CGB7: variants seen among roughly 807,000 people sequenced by gnomAD.
CGB7 encodes the protein chorionic gonadotropin subunit beta 7.
Under a neutral mutation model 7.3 loss-of-function variants are expected in CGB7, and 6 were observed. The ratio of observed to expected loss-of-function variants is 0.82; its 90% CI spans 0.45 to 1.62. The LOEUF (loss-of-function observed/expected upper bound fraction) is 1.62. Among genes scored for constraint, CGB7 ranks in the 40% most tolerant of loss-of-function variants. The pLI, the probability that CGB7 is intolerant of heterozygous loss-of-function variation, is 0.01. For synonymous variants in CGB7, 47 were observed against 100.8 expected (o/e 0.47, Z 3.20); for missense variants, 114 against 236.2 (o/e 0.48, Z 3.39).
chr19:49,054,877 G>C lies in CGB7; in HGVS notation c.147C>G (p.Val49=), dbSNP rs767857878. 1 of 1,590,436 alleles carries C rather than the reference G, an allele frequency of 6.3e-7. No homozygotes were observed. Among genetic ancestry groups the C allele is most frequent in the South Asian group, 1.1e-5 (1 of 90,386 alleles). The change falls in exon 4 of 5, where the codon GTC becomes GTG. Residue 49 remains valine, a synonymous_variant. Coordinates refer to ENST00000684222, the MANE Select transcript of CGB7 (RefSeq NM_001385261.1). The stretch of plus-strand genomic sequence containing the variant: ...AGTAGCCGGCACAGATGGTGGTGTT[G>C]ACGGTGATGCACACGGGGCAGCCCT... The part of the protein sequence containing the change: ...EKEGCPVCIT[V]NTTICAGYCP...
In CGB7 at chr19:49,056,249, G is replaced by A. The variant is rs1479760385; in HGVS notation, c.-874C>T. On this transcript the variant is annotated 5_prime_UTR_variant, in exon 3 of 5. Coordinates refer to ENST00000684222, the MANE Select transcript of CGB7 (RefSeq NM_001385261.1). ...CCCCACGCCAGGGGGCGTGTCTGGG[G>A]TGGGGCTGGCCCGGCAGGCTCCCAC... 6 of 1,289,744 alleles carry A rather than the reference G, an allele frequency of 4.7e-6. No individual in the cohort carries two copies. Among genetic ancestry groups the A allele is most frequent in the East Asian group, 5.5e-5 (1 of 18,050 alleles). 79.9% of individuals were successfully genotyped at this position (1,289,744 alleles called of 1,614,324 possible).
rs1398545691 is a variant in CGB7, at chr19:49,056,469, C to T, written c.-1094G>A. ...GCCGGAGACATGGCCCGCCGTGCGG[C>T]GCTCGAGGCGGCCTGGAAGAGCAGA... On this transcript the variant is annotated 5_prime_UTR_variant, in exon 3 of 5. Coordinates refer to ENST00000684222, the MANE Select transcript of CGB7 (RefSeq NM_001385261.1). 1.5e-6 allele frequency: 2 copies of T among 1,300,202 alleles called. No individual in the cohort carries two copies. Among genetic ancestry groups the T allele is most frequent in the Admixed American group, 4.5e-5 (2 of 44,028 alleles). 80.5% of individuals were successfully genotyped at this position (1,300,202 alleles called of 1,614,324 possible). A position where few individuals can be genotyped will look rare whatever the true frequency, so the allele number is the denominator to read the frequency against.
chr19:49,056,151 A>T lies in CGB7; in HGVS notation c.-776T>A. Reference sequence around the variant, plus strand: ...GGCTAGTCCTGTCCCCACACTGCGGATAGACTTAATGAGTGCGAGCCCACC... The same window carrying T: ...GGCTAGTCCTGTCCCCACACTGCGGTTAGACTTAATGAGTGCGAGCCCACC... On this transcript the variant is annotated 5_prime_UTR_variant, in exon 3 of 5. Transcript: ENST00000684222. 1 of 1,223,006 alleles carries T rather than the reference A, an allele frequency of 8.2e-7. No individual in the cohort carries two copies. The allele number at this position is 1,223,006 out of a possible 1,614,324, so 75.8% of individuals were successfully genotyped here. A position where few individuals can be genotyped will look rare whatever the true frequency, so the allele number is the denominator to read the frequency against.
In CGB7 at chr19:49,057,220, G is replaced by A. The variant is rs763341582; in HGVS notation, c.-1320C>T. 1.8e-5 allele frequency: 28 copies of A among 1,533,984 alleles called. No individual in the cohort carries two copies. The Admixed American group carries it at 2.7e-4, about 15-fold the overall frequency. On this transcript the variant is annotated 5_prime_UTR_variant, in exon 2 of 5. Transcript: ENST00000684222. ...TACTGTGAAGGGTGGGCCAGACAGCGCGGGGTTCTTCGTGCAGGCGATTAG... is the reference window on the plus strand; with the variant it reads ...TACTGTGAAGGGTGGGCCAGACAGCACGGGGTTCTTCGTGCAGGCGATTAG...
rs766092863 is a variant in CGB7, at chr19:49,056,437, T to C, written c.-1062A>G. The C allele has an allele frequency of 2.3e-5, 30 of 1,298,166 alleles. No individual in the cohort carries two copies. The South Asian group carries it at 3.5e-4, about 15-fold the overall frequency. 80.4% of individuals were successfully genotyped at this position (1,298,166 alleles called of 1,614,324 possible). The stretch of plus-strand genomic sequence containing the variant: ...GCGGGTGCGGCGAGGAGCTGTAGGT[T>C]TCCTGAGCCGGAGACATGGCCCGCC... On this transcript the variant is annotated 5_prime_UTR_variant, in exon 3 of 5. Transcript: ENST00000684222.
rs915679232 is a variant in CGB7, at chr19:49,055,685, C to G, written c.-310G>C. On this transcript the variant is annotated 5_prime_UTR_variant, in exon 3 of 5. Transcript: ENST00000684222. ...TAGGGTGTAGGAAGGCCTGCCTCTG[C>G]CTATGGTGGGGTCTTGGGAACCAGG... 1 of 1,328,484 alleles carries G rather than the reference C, an allele frequency of 7.5e-7. No homozygotes were observed. The highest frequency in any genetic ancestry group is 1.5e-5 in the African/African-American group (1 of 67,780). 82.3% of individuals were successfully genotyped at this position (1,328,484 alleles called of 1,614,324 possible).
Position 49,056,222 on chromosome 19 carries a change from GC to G in CGB7, c.-848del. 3 of 1,286,876 alleles carry G rather than the reference GC, an allele frequency of 2.3e-6. No homozygotes were observed. Among genetic ancestry groups the G allele is most frequent in the Non-Finnish European group, 3.0e-6 (3 of 987,538 alleles). The allele number at this position is 1,286,876 out of a possible 1,614,324, so 79.7% of individuals were successfully genotyped here. ...GAGCGGCTGCCCAGAGCTCTGCTCC[GC>G]CCCCACGCCAGGGGGCGTGTCTGGG... On this transcript the variant is annotated 5_prime_UTR_variant, in exon 3 of 5. The change abolishes the stop of an existing upstream ORF in the 5' untranslated region. Coordinates refer to ENST00000684222, the MANE Select transcript of CGB7 (RefSeq NM_001385261.1).
chr19:49,054,776 C>T (rs2040033915), intron 4 of CGB7, 65 bp downstream of exon 4: 2 of 1,456,558 alleles, frequency 1.4e-6, no homozygotes, highest in Admixed American at 1.9e-5. Context: ...CACCCTTCCT[C>T]CCCCGCTGCC....
In CGB7 at chr19:49,056,327, G is replaced by A. The variant is rs1451844840; in HGVS notation, c.-952C>T. ...GGAGTTCTCGGTGCTGTAGGCTTTC[G>A]GGACGCTGTGTATGCCCGGCAGGGG... On this transcript the variant is annotated 5_prime_UTR_variant, in exon 3 of 5. Coordinates refer to ENST00000684222, the MANE Select transcript of CGB7 (RefSeq NM_001385261.1). 9 of 1,294,256 alleles carry A rather than the reference G, an allele frequency of 7.0e-6. No homozygotes were observed. The highest frequency in any genetic ancestry group is 9.1e-6 in the Non-Finnish European group (9 of 991,724). The allele number at this position is 1,294,256 out of a possible 1,614,324, so 80.2% of individuals were successfully genotyped here. A position where few individuals can be genotyped will look rare whatever the true frequency, so the allele number is the denominator to read the frequency against.
chr19:49,057,532 CT>C lies in CGB7; in HGVS notation c.-1420del. The C allele has an allele frequency of 8.2e-7, 1 of 1,215,616 alleles. No homozygotes were observed. The highest frequency in any genetic ancestry group is 1.0e-6 in the Non-Finnish European group (1 of 968,568). 75.3% of individuals were successfully genotyped at this position (1,215,616 alleles called of 1,614,324 possible). ...GGCCCCCAGCCACCACAAAATCCCC[CT>C]GGTTCTGCCCCCGGTCTCAAGCCTT... On this transcript the variant is annotated 5_prime_UTR_variant, in exon 1 of 5. Transcript: ENST00000684222.
At chr19:49,055,197 C>T (rs958963980) in intron 3 of CGB7, 164 bp downstream of exon 3, 1 of 984,868 alleles carries the variant, frequency 1.0e-6, no homozygotes, top group African/African-American at 1.7e-5. Context: ...GATGCCCCAA[C>T]ATTTCAGATC....
At position 49,057,221 on chromosome 19, in the gene CGB7, C is replaced by T. The variant is rs1017624977; in HGVS notation, c.-1321G>A. 4 of 1,533,866 alleles carry T rather than the reference C, an allele frequency of 2.6e-6. No homozygotes were observed. The highest frequency in any genetic ancestry group is 2.0e-5 in the Admixed American group (1 of 50,912). On this transcript the variant is annotated 5_prime_UTR_variant, in exon 2 of 5. Coordinates refer to ENST00000684222, the MANE Select transcript of CGB7 (RefSeq NM_001385261.1). ...ACTGTGAAGGGTGGGCCAGACAGCG[C>T]GGGGTTCTTCGTGCAGGCGATTAGA...
At position 49,056,008 on chromosome 19, in the gene CGB7, T is replaced by G. The variant is rs2040056199; in HGVS notation, c.-633A>C. On this transcript the variant is annotated 5_prime_UTR_variant, in exon 3 of 5. Coordinates refer to ENST00000684222, the MANE Select transcript of CGB7 (RefSeq NM_001385261.1). ...ATGCGTGTGCTTCAGGTGATTTAAC[T>G]GATTATTGAATAGGCCCGCAGGAGG... 9.7e-6 allele frequency: 11 copies of G among 1,132,638 alleles called. No homozygotes were observed. Among genetic ancestry groups the G allele is most frequent in the Non-Finnish European group, 1.2e-5 (11 of 912,556 alleles). 70.2% of individuals were successfully genotyped at this position (1,132,638 alleles called of 1,614,324 possible). A position where few individuals can be genotyped will look rare whatever the true frequency, so the allele number is the denominator to read the frequency against.
rs2040042032 is a variant in CGB7 at position 49,055,225 on chromosome 19, C to A, written c.15+136G>T. ...TTCAGATCCCCACCCTCAGGAACTGCCCCACGTGAAGCTTATTGGGGGTCA... is the reference window on the plus strand; with the variant it reads ...TTCAGATCCCCACCCTCAGGAACTGACCCACGTGAAGCTTATTGGGGGTCA... On this transcript the variant is annotated intron_variant, in intron 3 of 4. Coordinates refer to ENST00000684222, the MANE Select transcript of CGB7 (RefSeq NM_001385261.1). 4.4e-6 allele frequency: 7 copies of A among 1,595,890 alleles called. No individual in the cohort carries two copies. The South Asian group carries it at 7.9e-5, about 18-fold the overall frequency.
At position 49,056,118 on chromosome 19, in the gene CGB7, C is replaced by T; in HGVS notation, c.-743G>A. On this transcript the variant is annotated 5_prime_UTR_variant, in exon 3 of 5. Coordinates refer to ENST00000684222, the MANE Select transcript of CGB7 (RefSeq NM_001385261.1). ...CGCGATCCAGCCGCAGCTGAGTGGG[C>T]GTGTCTGGGCTAGTCCTGTCCCCAC... 1 of 1,185,464 alleles carries T rather than the reference C, an allele frequency of 8.4e-7. No homozygotes were observed. 73.4% of individuals were successfully genotyped at this position (1,185,464 alleles called of 1,614,324 possible).
At chr19:49,055,277 C>T (rs890285796) in intron 3 of CGB7, 84 bp downstream of exon 3, 1 of 1,607,686 alleles carries the variant, frequency 6.2e-7, no homozygotes, top group African/African-American at 1.3e-5. Context: ...GGCGTCCTTC[C>T]ACAGCTCACA....
Position 49,057,074 on chromosome 19 carries a change from T to C in CGB7, c.-1221+47A>G, listed in dbSNP as rs572162693. 501 of 1,522,334 alleles carry C rather than the reference T, an allele frequency of 3.3e-4. 1 individual carries two copies. The African/African-American group carries it at 4.6e-3, about 14-fold the overall frequency. 94.3% of individuals were successfully genotyped at this position (1,522,334 alleles called of 1,614,324 possible). A position where few individuals can be genotyped will look rare whatever the true frequency, so the allele number is the denominator to read the frequency against. ...CCAGGGGCTCGGCGTGCACCGGCCA[T>C]GGCGGGGGCTGTGCAGGAGGCGGTG... On this transcript the variant is annotated intron_variant, in intron 2 of 4. Coordinates refer to ENST00000684222, the MANE Select transcript of CGB7 (RefSeq NM_001385261.1).
chr19:49,056,487 A>G lies in CGB7; in HGVS notation c.-1112T>C, dbSNP rs2122208181. ...CGTGCGGCGCTCGAGGCGGCCTGGA[A>G]GAGCAGAGACAGGGCTGCCGCTGCG... On this transcript the variant is annotated 5_prime_UTR_variant, in exon 3 of 5. Coordinates refer to ENST00000684222, the MANE Select transcript of CGB7 (RefSeq NM_001385261.1). The G allele has an allele frequency of 7.7e-7, 1 of 1,301,760 alleles. No homozygotes were observed. The allele number at this position is 1,301,760 out of a possible 1,614,324, so 80.6% of individuals were successfully genotyped here.
rs1459556720 is a variant in CGB7 at position 49,055,431 on chromosome 19, C to T, written c.-56G>A. ...GCTTTATACCTCGGGTTTGTGGGGG[C>T]GTCAAGGCCACCAGGAGGTTGTAGG... On this transcript the variant is annotated 5_prime_UTR_variant, in exon 3 of 5. Transcript: ENST00000684222. 4.4e-6 allele frequency: 7 copies of T among 1,605,672 alleles called. No individual in the cohort carries two copies. The highest frequency in any genetic ancestry group is 1.3e-5 in the African/African-American group (1 of 74,762).
Sources: gnomAD v4.1 joint callset for allele counts on GRCh38, gnomAD v4.1.1 for gene constraint, MANE v1.5 for transcripts, NCBI Gene and HGNC (gene_info 2026-07-23, HGNC 2026-07-21) for gene names.